Variants in CELF4 observed in about 807,000 individuals in gnomAD.
CELF4 encodes the protein CUGBP Elav-like family member 4.
A neutral mutation model predicts 59.9 loss-of-function variants in CELF4; 18 were observed. The ratio of observed to expected loss-of-function variants is 0.30; its 90% CI spans 0.21 to 0.45. The LOEUF (loss-of-function observed/expected upper bound fraction) is 0.45, where lower values mean the gene tolerates loss of function less well. CELF4 is among the 20% of genes least tolerant of loss of function. The probability of loss-of-function intolerance (pLI) is 1.00; values close to 1 mark genes in which losing one functional copy is unlikely to be tolerated. For missense variants in CELF4, 456 were observed against 689.0 expected (o/e 0.66, Z 3.79); for synonymous variants, 261 against 267.1 (o/e 0.98, Z 0.22).
At chr18:37,362,281 G>GCTC (rs71972093) in intron 2 of CELF4, among the ~76,000 whole-genome samples, 1 of 151,856 alleles carries the variant, frequency 6.6e-6, no homozygotes, top group East Asian at 1.9e-4. Context: ...TTCCAGCCCC[G>GCTC]CTCCTCCTCC....
At chr18:37,350,015 A>C (rs1181706969) in intron 2 of CELF4, among the ~76,000 whole-genome samples, 1 of 152,036 alleles carries the variant, frequency 6.6e-6, no homozygotes, top group Non-Finnish European at 1.5e-5. Flanking sequence ...CTCCAGGAGG[A>C]GGAGAGATAA....
intron 3 of CELF4, among the ~76,000 whole-genome samples, chr18:37,294,969 T>C (rs1272849371): frequency 6.6e-6 from 1 of 152,238 alleles, no homozygotes; most frequent in African/African-American, 2.4e-5. Flanking sequence ...AGTCTGCTTT[T>C]CAAGTAGATA....
chr18:37,513,941 CGTGTGTGTGTGTGT>C (rs5824070), intron 1 of CELF4, among the ~76,000 whole-genome samples: 24,995 of 144,292 alleles, frequency 0.17, 2,156 homozygotes, highest in South Asian at 0.23. Context: ...TGTGTGGTGC[CGTGTGTGTGTGTGT>C]GTGTGTGTGT....
chr18:37,464,922 C>A (rs1027343466), intron 2 of CELF4, among the ~76,000 whole-genome samples: 5 of 152,196 alleles, frequency 3.3e-5, no homozygotes, highest in African/African-American at 1.2e-4. Flanking sequence ...GCAATCTCAG[C>A]AAATGGACAG....
chr18:37,523,523 T>C (rs1196674673), intron 1 of CELF4, among the ~76,000 whole-genome samples: 1 of 152,156 alleles, frequency 6.6e-6, no homozygotes, highest in East Asian at 1.9e-4. Flanking sequence ...ACAGGCTTGC[T>C]GGGGGAGTAT....
At chr18:37,270,316 T>G (rs528564418) in intron 8 of CELF4, among the ~76,000 whole-genome samples, 2 of 152,236 alleles carry the variant, frequency 1.3e-5, no homozygotes. Context: ...TGGACTGGTC[T>G]GTACTAGACA....
intron 3 of CELF4, among the ~76,000 whole-genome samples, chr18:37,314,734 G>A (rs2096801928): frequency 6.6e-6 from 1 of 152,094 alleles, no homozygotes; most frequent in Admixed American, 6.6e-5. Flanking sequence ...GCTTGTGGGG[G>A]GAACAACAGG....
At chr18:37,321,722 G>T in intron 3 of CELF4, 81 bp downstream of exon 3, 2 of 1,022,122 alleles carry the variant, frequency 2.0e-6, no homozygotes, top group Non-Finnish European at 3.0e-6. Context: ...GCGGGGAGTC[G>T]CTGCATCGCC....
intron 1 of CELF4, among the ~76,000 whole-genome samples, chr18:37,500,118 G>A (rs2099929853): frequency 6.6e-6 from 1 of 152,192 alleles, no homozygotes. Flanking sequence ...ATGGAGGTGT[G>A]TCTCCAAGGC....
At chr18:37,550,528 C>T (rs180850097) in intron 1 of CELF4, among the ~76,000 whole-genome samples, 64 of 152,272 alleles carry the variant, frequency 4.2e-4, no homozygotes, top group African/African-American at 1.4e-3. Context: ...TAAGGAGGGA[C>T]GTGGTGTTCC....
intron 3 of CELF4, among the ~76,000 whole-genome samples, chr18:37,294,818 A>C (rs551342920): frequency 1.3e-5 from 2 of 152,304 alleles, no homozygotes; most frequent in Admixed American, 1.3e-4. Flanking sequence ...ATGGGGCCAG[A>C]TTTGATCTCC....
intron 1 of CELF4, among the ~76,000 whole-genome samples, chr18:37,495,372 T>C (rs2099924024): frequency 6.6e-6 from 1 of 152,154 alleles, no homozygotes; most frequent in African/African-American, 2.4e-5. Context: ...CAACAGCTTC[T>C]GAGCCTCTGC....
intron 2 of CELF4, among the ~76,000 whole-genome samples, chr18:37,333,216 A>T (rs756285529): frequency 6.6e-6 from 1 of 151,710 alleles, no homozygotes; most frequent in Non-Finnish European, 1.5e-5. Context: ...GTATCCCCTC[A>T]TGGGGTGTGG....
intron 3 of CELF4, among the ~76,000 whole-genome samples, chr18:37,295,530 T>C (rs1485976450): frequency 6.6e-6 from 1 of 152,226 alleles, no homozygotes; most frequent in Non-Finnish European, 1.5e-5. Context: ...CAGAGCATGC[T>C]GGAGGCAGGG....
At chr18:37,561,612 G>A (rs915129365) in intron 1 of CELF4, among the ~76,000 whole-genome samples, 9 of 152,152 alleles carry the variant, frequency 5.9e-5, no homozygotes, top group Admixed American at 2.0e-4. Context: ...TTATGTGAGT[G>A]TTAACAAGCA....
chr18:37,413,131 A>T (rs1452987429), intron 2 of CELF4, among the ~76,000 whole-genome samples: 2 of 152,156 alleles, frequency 1.3e-5, no homozygotes, highest in Non-Finnish European at 2.9e-5. Flanking sequence ...TTCATGTTTA[A>T]ATTTAAAAAC....
At position 37,250,361 on chromosome 18, in the gene CELF4, G is replaced by C. The variant is rs78574529; in HGVS notation, c.*44+3406C>G. The stretch of plus-strand genomic sequence containing the variant: ...CTAATCCCACCCCACTCAGGACCTT[G>C]CTTCATGGAACCAAAGCCCAACTGT... On this transcript the variant is annotated intron_variant, in intron 12 of 12. Transcript: ENST00000420428. 1.1e-3 allele frequency among the ~76,000 whole-genome samples: 161 copies of C among 152,214 alleles called. 3 individuals carry two copies. The highest frequency in any genetic ancestry group is 3.8e-3 in the African/African-American group (159 of 41,532).
intron 2 of CELF4, among the ~76,000 whole-genome samples, chr18:37,403,167 T>C (rs2099349628): frequency 6.7e-6 from 1 of 150,260 alleles, no homozygotes; most frequent in Non-Finnish European, 1.5e-5. Flanking sequence ...AGGGCTGGGG[T>C]TGGGGGAGGG....
At chr18:37,554,523 G>A (rs2099984205) in intron 1 of CELF4, among the ~76,000 whole-genome samples, 1 of 152,106 alleles carries the variant, frequency 6.6e-6, no homozygotes, top group Admixed American at 6.5e-5. Flanking sequence ...TACAATCAAA[G>A]GCATCACCCG....
Sources: gnomAD v4.1 joint callset for allele counts (sites outside exome capture counted in the v4.1 genomes callset) on GRCh38, gnomAD v4.1.1 for gene constraint, MANE v1.5 for transcripts, NCBI Gene and HGNC (gene_info 2026-07-23, HGNC 2026-07-21) for gene names.